The following BTBD10 variants were observed in gnomAD, a reference collection of about 807,000 sequenced individuals.
The protein encoded by BTBD10 is BTB domain containing 10.
In BTBD10, 21 loss-of-function variants were observed where a neutral mutation model predicts 53.2. That is an observed-to-expected ratio of 0.39 (90% CI 0.28 to 0.57). The LOEUF (loss-of-function observed/expected upper bound fraction) is 0.57, where lower values mean the gene tolerates loss of function less well. Ranked by LOEUF, BTBD10 falls within the 20% of genes least tolerant of loss-of-function variation. The pLI is 0.53. For synonymous variants in BTBD10, 149 were observed against 192.7 expected (o/e 0.77, Z 1.88); for missense variants, 360 against 594.7 (o/e 0.61, Z 4.10).
At chr11:13,399,839 G>A (rs1206035517) in intron 8 of BTBD10, among the ~76,000 whole-genome samples, 1 of 152,196 alleles carries the variant, frequency 6.6e-6, no homozygotes, top group East Asian at 1.9e-4. Flanking sequence ...CTTGGTATCA[G>A]CAGCAGTGCC....
At chr11:13,450,042 T>C (rs528343669) in intron 1 of BTBD10, among the ~76,000 whole-genome samples, 1 of 152,286 alleles carries the variant, frequency 6.6e-6, no homozygotes, top group South Asian at 2.1e-4. Flanking sequence ...TTTTTATCTC[T>C]CAAACTTTGT....
intron 8 of BTBD10, among the ~76,000 whole-genome samples, chr11:13,398,243 A>G (rs1373931910): frequency 6.6e-6 from 1 of 152,162 alleles, no homozygotes; most frequent in Non-Finnish European, 1.5e-5. Flanking sequence ...GGGTGCATAT[A>G]TATTTAGGAT....
In BTBD10 at chr11:13,458,747, T is replaced by C. The variant is rs143177987; in HGVS notation, c.-58+4345A>G. Among the ~76,000 whole-genome samples the C allele has an allele frequency of 5.6e-3, 860 of 152,314 alleles. 6 individuals carry two copies. The highest frequency in any genetic ancestry group is 0.02 in the African/African-American group (813 of 41,564). ...TGGAAAACTAAGTAAGAAACAAGAA[T>C]GTCTCGCAGTTAACCATCTTACAGG... On this transcript the variant is annotated intron_variant, in intron 1 of 8. Transcript: ENST00000278174.
rs749397496 is a variant in BTBD10 at position 13,411,665 on chromosome 11, T to C, written c.808+1865A>G. Among the ~76,000 whole-genome samples the C allele has an allele frequency of 3.0e-4, 45 of 152,176 alleles. 1 individual carries two copies. Among genetic ancestry groups the C allele is most frequent in the Admixed American group, 3.9e-4 (6 of 15,278 alleles). ...AAGGTAAACTACGCACAACAAAAGATTGCAGAACTAAGAGATTCACATCAT... is the reference window on the plus strand; with the variant it reads ...AAGGTAAACTACGCACAACAAAAGACTGCAGAACTAAGAGATTCACATCAT... On this transcript the variant is annotated intron_variant, in intron 6 of 8. Transcript: ENST00000278174.
intron 8 of BTBD10, among the ~76,000 whole-genome samples, chr11:13,398,607 T>C (rs1200650197): frequency 1.3e-5 from 2 of 152,244 alleles, no homozygotes; most frequent in South Asian, 2.1e-4. Context: ...GGTTATTTTG[T>C]TCATTAGTTG....
At chr11:13,414,725 A>G (rs1591119138) in intron 5 of BTBD10, among the ~76,000 whole-genome samples, 3 of 151,214 alleles carry the variant, frequency 2.0e-5, no homozygotes, top group African/African-American at 7.3e-5. Flanking sequence ...CTGTAATCCT[A>G]GCTACTCAAG....
At chr11:13,400,443 G>T (rs1445065801) in intron 8 of BTBD10, among the ~76,000 whole-genome samples, 1 of 152,214 alleles carries the variant, frequency 6.6e-6, no homozygotes, top group Non-Finnish European at 1.5e-5. Context: ...GGTGCTGTCT[G>T]TCACCCCTTT....
intron 2 of BTBD10, among the ~76,000 whole-genome samples, chr11:13,425,772 G>T (rs993407338): frequency 1.3e-5 from 2 of 152,110 alleles, no homozygotes; most frequent in African/African-American, 4.8e-5. Flanking sequence ...TGTTTGAGGT[G>T]ATATACTAAT....
At chr11:13,393,618 G>C (rs1949462203) in intron 8 of BTBD10, among the ~76,000 whole-genome samples, 1 of 152,060 alleles carries the variant, frequency 6.6e-6, no homozygotes. Flanking sequence ...AAAGAAAAGA[G>C]TGCTTCAGTA....
intron 8 of BTBD10, 69 bp downstream of exon 8, chr11:13,403,099 A>T: frequency 1.0e-6 from 1 of 966,268 alleles, no homozygotes; most frequent in South Asian, 1.6e-5. Flanking sequence ...TATTCTAAAT[A>T]AGATCCAATT....
intron 2 of BTBD10, among the ~76,000 whole-genome samples, chr11:13,438,871 T>C (rs1591157405): frequency 1.3e-5 from 2 of 152,086 alleles, no homozygotes; most frequent in East Asian, 1.9e-4. Context: ...AAGGTCTAGC[T>C]TGAGATTCTG....
intron 2 of BTBD10, among the ~76,000 whole-genome samples, chr11:13,438,571 T>C (rs1390776206): frequency 6.6e-6 from 1 of 151,978 alleles, no homozygotes; most frequent in African/African-American, 2.4e-5. Context: ...CATAATTAAA[T>C]TTCTTTTTTT....
chr11:13,416,795 T>C (rs1425533285), intron 5 of BTBD10, among the ~76,000 whole-genome samples: 1 of 152,028 alleles, frequency 6.6e-6, no homozygotes, highest in Non-Finnish European at 1.5e-5. Flanking sequence ...TAGGTAACAC[T>C]GTGAGACCTC....
At chr11:13,459,057 TA>T (rs1412945042) in intron 1 of BTBD10, among the ~76,000 whole-genome samples, 27 of 119,760 alleles carry the variant, frequency 2.3e-4, no homozygotes, top group East Asian at 1.2e-3. Flanking sequence ...TTTATTTATT[TA>T]TTTTTTTTTT....
chr11:13,453,007 A>T (rs537566711), intron 1 of BTBD10, among the ~76,000 whole-genome samples: 6 of 152,230 alleles, frequency 3.9e-5, no homozygotes, highest in African/African-American at 1.2e-4. Context: ...GTATAACTAC[A>T]CTAATACACA....
chr11:13,404,962 A>T (rs1381146772), intron 7 of BTBD10, among the ~76,000 whole-genome samples: 2 of 152,158 alleles, frequency 1.3e-5, no homozygotes, highest in Non-Finnish European at 2.9e-5. Flanking sequence ...GTACAGAAGA[A>T]GATGCTAGGC....
chr11:13,419,858 CT>C, intron 3 of BTBD10, 113 bp from the exon 4 acceptor site: 4 of 1,100,200 alleles, frequency 3.6e-6, no homozygotes, highest in Non-Finnish European at 5.0e-6. Flanking sequence ...CACAGCATTT[CT>C]ACTTTTCAAT....
In BTBD10 at chr11:13,405,900, A is replaced by G. The variant is rs148415553; in HGVS notation, c.809-44T>C. 567 of 1,582,520 alleles carry G rather than the reference A, an allele frequency of 3.6e-4. No homozygotes were observed. The African/African-American group carries it at 5.1e-3, about 14-fold the overall frequency. The stretch of plus-strand genomic sequence containing the variant: ...AAATATCTTACCAAAACTTTTCCTA[A>G]AAAGAGTTCTTTTAGAAATATAGAC... On this transcript the variant is annotated intron_variant, in intron 6 of 8. Coordinates refer to ENST00000278174, the MANE Select transcript of BTBD10 (RefSeq NM_032320.7).
chr11:13,454,750 AAATT>A (rs1055267477), intron 1 of BTBD10, among the ~76,000 whole-genome samples: 56 of 147,100 alleles, frequency 3.8e-4, no homozygotes, highest in African/African-American at 1.3e-3. Flanking sequence ...AAATAAAATA[AAATT>A]TATTTATTCT....
Sources: allele counts gnomAD v4.1 joint callset (sites outside exome capture counted in the v4.1 genomes callset), GRCh38; gene constraint gnomAD v4.1.1; transcripts MANE v1.5; gene names NCBI Gene and HGNC (gene_info 2026-07-23, HGNC 2026-07-21).